The following ACAN variants were observed in gnomAD, a reference collection of about 807,000 sequenced individuals.
ACAN encodes the protein aggrecan, also known as aggrecan core protein.
A neutral mutation model predicts 169.1 loss-of-function variants in ACAN; 47 were observed. The ratio of observed to expected loss-of-function variants is 0.28; its 90% CI spans 0.22 to 0.35. The LOEUF (loss-of-function observed/expected upper bound fraction) is 0.35. Ranked by LOEUF, ACAN falls within the 10% of genes least tolerant of loss-of-function variation. ACAN has a pLI of 1.00. For synonymous variants in ACAN, 1,115 were observed against 1,112.2 expected (o/e 1.00, Z -0.05); for missense variants, 2,716 against 2,759.9 (o/e 0.98, Z 0.36).
Position 88,858,018 on chromosome 15 carries a change from A to T in ACAN, c.5433A>T (p.Gly1811=). 3 of 1,613,996 alleles carry T rather than the reference A, an allele frequency of 1.9e-6. No homozygotes were observed. The highest frequency in any genetic ancestry group is 2.5e-6 in the Non-Finnish European group (3 of 1,179,900). The change falls in exon 12 of 19, where the codon GGA becomes GGT. Residue 1811 remains glycine (G), a synonymous_variant. Transcript: ENST00000560601. The surrounding 1 kb of genome is among the most constrained non-coding windows in gnomAD (Gnocchi z 4.0). ...CAGGGTTCAGTGGGGCAACATCAGGAGTCCCTGACCTGGTTTCTGGTACCA... is the reference window on the plus strand; with the variant it reads ...CAGGGTTCAGTGGGGCAACATCAGGTGTCCCTGACCTGGTTTCTGGTACCA... ...GLPGFSGATS[G]VPDLVSGTTS...
At position 88,868,262 on chromosome 15, in the gene ACAN, C is replaced by T. The variant is rs986742379; in HGVS notation, c.6993C>T (p.Cys2331=). 9 of 702,672 alleles carry T rather than the reference C, an allele frequency of 1.3e-5. No homozygotes were observed. Among genetic ancestry groups the T allele is most frequent in the East Asian group, 5.4e-5 (2 of 37,296 alleles). The allele number at this position is 702,672 out of a possible 1,614,324, so 43.5% of individuals were successfully genotyped here. A position where few individuals can be genotyped will look rare whatever the true frequency, so the allele number is the denominator to read the frequency against. The change falls in exon 14 of 19, where the codon TGC becomes TGT. Residue 2331 remains cysteine, a synonymous_variant. Transcript: ENST00000560601. The surrounding 1 kb of genome is among the most constrained non-coding windows in gnomAD (Gnocchi z 5.2). The part of the protein sequence containing the change: ...LSSPCLNGAT[C]VDAIDSFTCL... ...GCCCTTGTCTGAATGGAGCCACCTG[C>T]GTGGATGCCATCGACTCTTTCACAT...
At chr15:88,818,997 T>C (rs1483151937) in intron 1 of ACAN, among the ~76,000 whole-genome samples, 2 of 152,234 alleles carry the variant, frequency 1.3e-5, no homozygotes, top group Non-Finnish European at 2.9e-5. Flanking sequence ...GTGAGGATAA[T>C]GTCTTTGGAG....
Position 88,851,374 on chromosome 15 carries a change from G to T in ACAN, c.2027-420G>T. The stretch of plus-strand genomic sequence containing the variant: ...GTTGAGAGCGTGGAGTCTGGTACCA[G>T]ATGCTTAAATTCAAAGACTAGATCT... On this transcript the variant is annotated intron_variant, in intron 10 of 18. Transcript: ENST00000560601. The surrounding 1 kb of genome is among the most constrained non-coding windows in gnomAD (Gnocchi z 4.3). The T allele has an allele frequency of 6.1e-6, 1 of 162,870 alleles. No individual in the cohort carries two copies. Among genetic ancestry groups the T allele is most frequent in the Non-Finnish European group, 1.3e-5 (1 of 74,794 alleles). The allele number at this position is 162,870 out of a possible 1,614,324, so 10.1% of individuals were successfully genotyped here.
At chr15:88,816,213 G>A (rs941018883) in intron 1 of ACAN, among the ~76,000 whole-genome samples, 2 of 152,158 alleles carry the variant, frequency 1.3e-5, no homozygotes, top group Non-Finnish European at 2.9e-5. Flanking sequence ...TCCAAATAAC[G>A]TCACATTCAC....
In ACAN at chr15:88,855,385, G is replaced by T. The variant is rs1257757514; in HGVS notation, c.2800G>T (p.Val934Phe). Residue 934 changes from valine to phenylalanine, a missense_variant, in exon 12 of 19, where the codon GTT becomes TTT. This residue lies in a region of ACAN where 1,283 missense variants were observed against 1,281.5 expected (regional missense o/e 1.00). Transcript: ENST00000560601. Reference protein sequence around the residue: ...ERIEWPSTPTVGELPSGAEIL... With the variant: ...ERIEWPSTPTFGELPSGAEIL... ...AATTGAGTGGCCCAGCACTCCTACGGTTGGTGAACTGCCCTCTGGAGCTGA... is the reference window on the plus strand; with the variant it reads ...AATTGAGTGGCCCAGCACTCCTACGTTTGGTGAACTGCCCTCTGGAGCTGA... 1.9e-6 allele frequency: 3 copies of T among 1,613,254 alleles called. No homozygotes were observed. The highest frequency in any genetic ancestry group is 2.5e-6 in the Non-Finnish European group (3 of 1,179,442).
intron 12 of ACAN, among the ~76,000 whole-genome samples, chr15:88,859,744 T>A (rs1392764185): frequency 6.6e-6 from 1 of 152,228 alleles, no homozygotes; most frequent in African/African-American, 2.4e-5. Context: ...TTTTTACACG[T>A]GAATTCAACT....
rs1266706671 is a variant in ACAN, at chr15:88,838,581, T to G, written c.71-82T>G. 6.8e-7 allele frequency: 1 copy of G among 1,478,160 alleles called. No homozygotes were observed. Among genetic ancestry groups the G allele is most frequent in the Non-Finnish European group, 9.1e-7 (1 of 1,094,654 alleles). 91.6% of individuals were successfully genotyped at this position (1,478,160 alleles called of 1,614,324 possible). A position where few individuals can be genotyped will look rare whatever the true frequency, so the allele number is the denominator to read the frequency against. ...ATTTCGCTCTCTCAGGAGAGTGCAT[T>G]GCTGGAAGGATGGATGGGGAGGCGG... On this transcript the variant is annotated intron_variant, in intron 2 of 18. Transcript: ENST00000560601. This position sits in a 1 kb window ranked among gnomAD's most constrained non-coding sequence, Gnocchi z 5.1.
At position 88,858,705 on chromosome 15, in the gene ACAN, G is replaced by T; in HGVS notation, c.6120G>T (p.Glu2040Asp). ...GLPEVTLITS[E>D]FVEGVTEPTI... is the part of the protein sequence containing the mutation. Reference sequence around the variant, plus strand: ...CAGAAGTTACTTTAATCACTTCTGAGTTCGTGGAGGGTGTTACTGAACCAA... The same window carrying T: ...CAGAAGTTACTTTAATCACTTCTGATTTCGTGGAGGGTGTTACTGAACCAA... Residue 2040 changes from glutamate to aspartate, a missense_variant, in exon 12 of 19, where the codon GAG becomes GAT. By Grantham distance (45) the Glu-to-Asp change is conservative (BLOSUM62 2). Transcript: ENST00000560601. This position sits in a 1 kb window ranked among gnomAD's most constrained non-coding sequence, Gnocchi z 4.0. 6.2e-7 allele frequency: 1 copy of T among 1,613,950 alleles called. No individual in the cohort carries two copies. Among genetic ancestry groups the T allele is most frequent in the East Asian group, 2.2e-5 (1 of 44,880 alleles).
intron 11 of ACAN, 127 bp downstream of exon 11, chr15:88,852,160 C>A: frequency 7.2e-7 from 1 of 1,383,768 alleles, no homozygotes; most frequent in Non-Finnish European, 9.7e-7. Context: ...CTGACACTGG[C>A]TGGGTGTTCT....
Position 88,816,984 on chromosome 15 carries a change from C to T in ACAN, c.-8+13175C>T, listed in dbSNP as rs535264667. ...TAACACACCAGGAGCCTACTCCCTT[C>T]CCCACTGAGACTTTCCTTCCCCTTC... On this transcript the variant is annotated intron_variant, in intron 1 of 18. Transcript: ENST00000560601. Among the ~76,000 whole-genome samples, 5 of 152,308 alleles carry T rather than the reference C, an allele frequency of 3.3e-5. No individual in the cohort carries two copies. In the East Asian group the frequency reaches 9.6e-4, roughly 29 times the overall value.
rs1442256694 is a variant in ACAN, at chr15:88,858,150, C to T, written c.5565C>T (p.Leu1855=). The T allele has an allele frequency of 4.3e-6, 7 of 1,613,910 alleles. No individual in the cohort carries two copies. The highest frequency in any genetic ancestry group is 5.1e-6 in the Non-Finnish European group (6 of 1,179,894). Residue 1855 remains leucine, a synonymous_variant, in exon 12 of 19, where the codon CTC becomes CTT. Transcript: ENST00000560601. This position sits in a 1 kb window ranked among gnomAD's most constrained non-coding sequence, Gnocchi z 4.0. ...AAGAAGGCTTAGGGTCTGTGGAACTCAGTGGCCTCCCTTCCGGAGAGGCAG... is the reference window on the plus strand; with the variant it reads ...AAGAAGGCTTAGGGTCTGTGGAACTTAGTGGCCTCCCTTCCGGAGAGGCAG... The part of the protein sequence containing the change: ...KEEEGLGSVE[L]SGLPSGEADL...
chr15:88,810,188 C>T (rs1381027482), intron 1 of ACAN, among the ~76,000 whole-genome samples: 47 of 152,100 alleles, frequency 3.1e-4, no homozygotes. Flanking sequence ...CCACGCAGGT[C>T]CCATTCCAGC....
chr15:88,826,387 T>C (rs1376908394), intron 1 of ACAN, among the ~76,000 whole-genome samples: 1 of 149,566 alleles, frequency 6.7e-6, no homozygotes, highest in Non-Finnish European at 1.5e-5. Context: ...TTTTTTTTTT[T>C]TTTTTTGGAG....
In ACAN at chr15:88,873,963, G is replaced by A; in HGVS notation, c.7569G>A (p.Met2523Ile). 1 of 1,613,384 alleles carries A rather than the reference G, an allele frequency of 6.2e-7. No homozygotes were observed. The highest frequency in any genetic ancestry group is 8.5e-7 in the Non-Finnish European group (1 of 1,179,880). Reference protein sequence around the residue: ...QCTEGFVQRHMPTIRCQPSGH... With the variant: ...QCTEGFVQRHIPTIRCQPSGH... ...CAGAGGGGTTTGTCCAGCGCCACATGCCCACCATCCGGTGCCAGCCCAGCG... is the reference window on the plus strand; with the variant it reads ...CAGAGGGGTTTGTCCAGCGCCACATACCCACCATCCGGTGCCAGCCCAGCG... The change falls in exon 18 of 19, where the codon ATG (methionine) becomes ATA (isoleucine). Residue 2523 changes from methionine (M) to isoleucine (I), a missense_variant. Physicochemically the swap from Met to Ile is conservative, Grantham distance 10 (BLOSUM62 1). This residue lies in a region of ACAN where 1,389 missense variants were observed against 1,363.7 expected (regional missense o/e 1.02). Transcript: ENST00000560601. This position sits in a 1 kb window ranked among gnomAD's most constrained non-coding sequence, Gnocchi z 7.5.
At position 88,840,110 on chromosome 15, in the gene ACAN, C is replaced by T; in HGVS notation, c.553C>T (p.Pro185Ser). 6.2e-7 allele frequency: 1 copy of T among 1,605,866 alleles called. No individual in the cohort carries two copies. The highest frequency in any genetic ancestry group is 1.7e-4 in the Middle Eastern group (1 of 6,048). ...CLQNSAIIAT[P>S]EQLQAAYEDG... ...GCAGAACAGTGCCATCATTGCCACG[C>T]CTGAGCAGCTGCAGGCCGCCTACGA... Residue 185 changes from proline (P) to serine (S), a missense_variant, in exon 4 of 19, where the codon CCT (proline) becomes TCT (serine). By Grantham distance (74) the Pro-to-Ser change is moderately conservative. Transcript: ENST00000560601.
chr15:88,840,956 A>G (rs1459941636), intron 4 of ACAN, among the ~76,000 whole-genome samples: 3 of 152,130 alleles, frequency 2.0e-5, no homozygotes, highest in Non-Finnish European at 2.9e-5. Flanking sequence ...CATCCTAGCT[A>G]ACATGGTGAA....
At position 88,849,672 on chromosome 15, in the gene ACAN, A is replaced by G. The variant is rs983625315; in HGVS notation, c.1967A>G (p.Tyr656Cys). ...CCAGGCGTGAGAACGGTCTACCTCT[A>G]CCCTAACCAGACGGGCCTCCCAGAC... Reference protein sequence around the residue: ...DKPGVRTVYLYPNQTGLPDPL... With the variant: ...DKPGVRTVYLCPNQTGLPDPL... The change falls in exon 10 of 19, where the codon TAC (tyrosine) becomes TGC (cysteine). Residue 656 changes from tyrosine to cysteine, a missense_variant. Around this residue, in one of 3 missense-constraint regions of ACAN, gnomAD observed 1,283 missense variants for 1,281.5 expected, o/e 1.00. Transcript: ENST00000560601. The surrounding 1 kb of genome is among the most constrained non-coding windows in gnomAD (Gnocchi z 5.1). The G allele has an allele frequency of 8.7e-6, 14 of 1,613,622 alleles. No homozygotes were observed. The East Asian group carries it at 2.9e-4, about 33-fold the overall frequency.
In ACAN at chr15:88,871,871, A is replaced by C; in HGVS notation, c.7220-132A>C. On this transcript the variant is annotated intron_variant, in intron 15 of 18. Transcript: ENST00000560601. This position sits in a 1 kb window ranked among gnomAD's most constrained non-coding sequence, Gnocchi z 7.8. ...CTGAGCCTCTTGTGAGGACCTGAGAAGCACGTGCCTTGCTCCTAGGAGCCC... is the reference window on the plus strand; with the variant it reads ...CTGAGCCTCTTGTGAGGACCTGAGACGCACGTGCCTTGCTCCTAGGAGCCC... The C allele has an allele frequency of 2.5e-6, 2 of 815,864 alleles. No homozygotes were observed. The highest frequency in any genetic ancestry group is 2.1e-6 in the Non-Finnish European group (1 of 484,392). The allele number at this position is 815,864 out of a possible 1,614,324, so 50.5% of individuals were successfully genotyped here.
intron 1 of ACAN, among the ~76,000 whole-genome samples, chr15:88,829,779 G>A (rs1352077841): frequency 1.3e-5 from 2 of 152,172 alleles, no homozygotes; most frequent in East Asian, 1.9e-4. Context: ...AAACCCCAAC[G>A]TCTACTTACT....
Sources: gnomAD v4.1 joint callset for allele counts (sites outside exome capture counted in the v4.1 genomes callset) on GRCh38, gnomAD v4.1.1 for gene constraint, gnomAD v4.1.1 regional missense constraint, Gnocchi (gnomAD v3.1) non-coding constraint, MANE v1.5 for transcripts, NCBI Gene and HGNC (gene_info 2026-07-23, HGNC 2026-07-21) for gene names.